HIVEP1: variants seen among roughly 807,000 people sequenced by gnomAD.
HIVEP1 encodes the protein HIVEP zinc finger 1, also known as zinc finger protein 40.
Under a neutral mutation model 180.0 loss-of-function variants are expected in HIVEP1, and 36 were observed. The observed-to-expected ratio is 0.20, with a 90% CI of 0.15 to 0.26. The LOEUF is 0.26. Ranked by LOEUF, HIVEP1 falls within the 10% of genes least tolerant of loss-of-function variation. The pLI is 1.00. For synonymous variants in HIVEP1, 1,239 were observed against 1,239.0 expected (o/e 1.00, Z 0.00); for missense variants, 3,143 against 3,268.7 (o/e 0.96, Z 0.94).
chr6:12,204,261 C>T, the HIVEP1 span, among the ~76,000 whole-genome samples: 1 of 140,452 alleles, frequency 7.1e-6, no homozygotes, highest in African/African-American at 2.7e-5. Context: ...TTCCCAGCTA[C>T]CAGACACAGA....
intron 2 of HIVEP1, among the ~76,000 whole-genome samples, chr6:12,037,516 A>G (rs1037953908): frequency 5.3e-5 from 8 of 152,162 alleles, no homozygotes; most frequent in African/African-American, 1.9e-4. Context: ...TTATTGCTGG[A>G]CTGTAGGTTA....
chr6:12,125,446 C>T lies in HIVEP1; in HGVS notation c.5651C>T (p.Ser1884Phe). 1 of 1,614,126 alleles carries T rather than the reference C, an allele frequency of 6.2e-7. No individual in the cohort carries two copies. The highest frequency in any genetic ancestry group is 8.5e-7 in the Non-Finnish European group (1 of 1,180,012). ...SPAPSENTHISPLKCTDNNQE... is the reference protein window; with the variant it reads ...SPAPSENTHIFPLKCTDNNQE... ...GCTCCTTCAGAAAATACTCATATTT[C>T]TCCTTTGAAATGTACAGACAATAAC... The change falls in exon 4 of 9, where the codon TCT becomes TTT. Residue 1884 changes from serine (S) to phenylalanine (F), a missense_variant. Coordinates refer to ENST00000379388, the MANE Select transcript of HIVEP1 (RefSeq NM_002114.4).
chr6:12,101,123 A>C (rs1442731051), intron 3 of HIVEP1, among the ~76,000 whole-genome samples: 1 of 152,206 alleles, frequency 6.6e-6, no homozygotes, highest in Non-Finnish European at 1.5e-5. Flanking sequence ...ACTTCACATC[A>C]GTTGTCACTT....
intron 2 of HIVEP1, among the ~76,000 whole-genome samples, chr6:12,066,569 A>G (rs1387457678): frequency 1.3e-5 from 2 of 152,246 alleles, no homozygotes; most frequent in Non-Finnish European, 2.9e-5. Context: ...TGTTGGACTT[A>G]GCCAAGTACT....
rs1770713150 is a variant in HIVEP1, at chr6:12,054,126, T to C, written c.41-35058T>C. On this transcript the variant is annotated intron_variant, in intron 2 of 8. Transcript: ENST00000379388. ...ACATGCCCACTCTGTGTTTATTTAC[T>C]TTAATCTGTCAATTGTGATGCCAAC... Among the ~76,000 whole-genome samples the C allele has an allele frequency of 2.6e-5, 4 of 152,340 alleles. 1 individual carries two copies. The South Asian group carries it at 8.3e-4, about 32-fold the overall frequency.
intron 5 of HIVEP1, 107 bp downstream of exon 5, chr6:12,129,999 A>C (rs1234712749): frequency 1.4e-6 from 1 of 718,146 alleles, no homozygotes; most frequent in Non-Finnish European, 2.4e-6. Context: ...TCGATGTTGC[A>C]AGGTTTCTCA....
intron 2 of HIVEP1, among the ~76,000 whole-genome samples, chr6:12,067,271 G>A (rs1386815550): frequency 6.6e-6 from 1 of 152,066 alleles, no homozygotes; most frequent in East Asian, 1.9e-4. Flanking sequence ...TTTTATTGAA[G>A]TGTATCACTT....
chr6:12,056,848 T>TG (rs576614813), intron 2 of HIVEP1, among the ~76,000 whole-genome samples: 223 of 152,148 alleles, frequency 1.5e-3, no homozygotes, highest in African/African-American at 5.2e-3. Context: ...TTTTTGTTTT[T>TG]TTTTTTCAAA....
At chr6:12,182,008 T>G in the HIVEP1 span, among the ~76,000 whole-genome samples, 1 of 152,242 alleles carries the variant, frequency 6.6e-6, no homozygotes, top group Admixed American at 6.5e-5. Context: ...TCCTGAAAGC[T>G]GATTACCCAG....
At chr6:12,047,383 G>T (rs1770211014) in intron 2 of HIVEP1, among the ~76,000 whole-genome samples, 1 of 152,218 alleles carries the variant, frequency 6.6e-6, no homozygotes, top group African/African-American at 2.4e-5. Flanking sequence ...CTTCACAGAG[G>T]AATCAGGAAG....
At chr6:12,021,943 G>A (rs1171946488) in intron 2 of HIVEP1, among the ~76,000 whole-genome samples, 1 of 152,134 alleles carries the variant, frequency 6.6e-6, no homozygotes, top group South Asian at 2.1e-4. Flanking sequence ...GGGATTACAG[G>A]CATGAGCCAC....
intron 3 of HIVEP1, among the ~76,000 whole-genome samples, chr6:12,105,985 CATATATACATAT>C: frequency 6.6e-6 from 1 of 151,272 alleles, no homozygotes; most frequent in South Asian, 2.1e-4. Flanking sequence ...TTACTAAGTA[CATATATACATAT>C]ATATATACAC....
At chr6:12,167,899 TAA>T (rs1391348612), downstream of HIVEP1, among the ~76,000 whole-genome samples, 2 of 141,908 alleles carry the variant, frequency 1.4e-5, no homozygotes, top group Non-Finnish European at 3.0e-5. Flanking sequence ...TGTGCGTATA[TAA>T]TATATACACA....
rs1561963211 is a variant in HIVEP1, at chr6:12,121,512, T to G, written c.1717T>G (p.Leu573Val). ...GGTCCACCATGTCACTGTGTCCCCCTTAAGAACTGACAGTCCAAAGGCCAT... is the reference window on the plus strand; with the variant it reads ...GGTCCACCATGTCACTGTGTCCCCCGTAAGAACTGACAGTCCAAAGGCCAT... ...VVVHHVTVSPLRTDSPKAMDP... is the reference protein window; with the variant it reads ...VVVHHVTVSPVRTDSPKAMDP... Residue 573 changes from leucine to valine, a missense_variant, in exon 4 of 9, where the codon TTA becomes GTA. Physicochemically the swap from Leu to Val is conservative, Grantham distance 32 (BLOSUM62 1). Around this residue, in one of 12 missense-constraint regions of HIVEP1, gnomAD observed 365 missense variants for 344.4 expected, o/e 1.06. Transcript: ENST00000379388. This position sits in a 1 kb window ranked among gnomAD's most constrained non-coding sequence, Gnocchi z 5.3. 5 of 1,614,164 alleles carry G rather than the reference T, an allele frequency of 3.1e-6. No individual in the cohort carries two copies. Among genetic ancestry groups the G allele is most frequent in the Non-Finnish European group, 3.4e-6 (4 of 1,180,012 alleles).
chr6:12,124,276 A>G lies in HIVEP1; in HGVS notation c.4481A>G (p.Glu1494Gly). Reference sequence around the variant, plus strand: ...ACTCAGGTTAAGGATCTGCAGGCAGAAACATCAAACTCCAGCTCTACCAAC... The same window carrying G: ...ACTCAGGTTAAGGATCTGCAGGCAGGAACATCAAACTCCAGCTCTACCAAC... ...SQTQVKDLQA[E>G]TSNSSSTNVF... Residue 1494 changes from glutamate to glycine, a missense_variant, in exon 4 of 9, where the codon GAA (glutamate) becomes GGA (glycine). Physicochemically the swap from Glu to Gly is moderately conservative, Grantham distance 98. Transcript: ENST00000379388. 1 of 1,614,168 alleles carries G rather than the reference A, an allele frequency of 6.2e-7. No individual in the cohort carries two copies. Among genetic ancestry groups the G allele is most frequent in the Middle Eastern group, 1.6e-4 (1 of 6,062 alleles).
intron 2 of HIVEP1, among the ~76,000 whole-genome samples, chr6:12,021,639 G>T (rs1464041628): frequency 6.6e-6 from 1 of 152,144 alleles, no homozygotes; most frequent in Non-Finnish European, 1.5e-5. Flanking sequence ...TTGGTCATCT[G>T]TGTGCAACAG....
At chr6:12,067,699 A>G (rs1032607313) in intron 2 of HIVEP1, among the ~76,000 whole-genome samples, 2 of 152,010 alleles carry the variant, frequency 1.3e-5, no homozygotes, top group Admixed American at 6.6e-5. Flanking sequence ...TGTGTCCCCA[A>G]TTCCTGCCTG....
the HIVEP1 span, among the ~76,000 whole-genome samples, chr6:12,170,013 T>G: frequency 6.6e-6 from 1 of 151,504 alleles, no homozygotes; most frequent in Non-Finnish European, 1.5e-5. Flanking sequence ...CCCAGCTACT[T>G]GGGAGGCTGA....
At position 12,089,668 on chromosome 6, in the gene HIVEP1, A is replaced by G. The variant is rs980621072; in HGVS notation, c.94+431A>G. Among the ~76,000 whole-genome samples, 10 of 152,066 alleles carry G rather than the reference A, an allele frequency of 6.6e-5. No homozygotes were observed. The East Asian group carries it at 1.2e-3, about 18-fold the overall frequency. ...AACAGCCTGAATACCAGTCAGTGGA[A>G]GAACAGTTGAATCATTTGTAGTATA... On this transcript the variant is annotated intron_variant, in intron 3 of 8. Coordinates refer to ENST00000379388, the MANE Select transcript of HIVEP1 (RefSeq NM_002114.4).
Sources: gnomAD v4.1 joint callset for allele counts (sites outside exome capture counted in the v4.1 genomes callset) on GRCh38, gnomAD v4.1.1 for gene constraint, gnomAD v4.1.1 regional missense constraint, Gnocchi (gnomAD v3.1) non-coding constraint, MANE v1.5 for transcripts, NCBI Gene and HGNC (gene_info 2026-07-23, HGNC 2026-07-21) for gene names.